The following ADORA2B variants were observed in gnomAD, a reference collection of about 807,000 sequenced individuals.
ADORA2B encodes adenosine A2b receptor.
ADORA2B carries 18 observed loss-of-function variants against 20.8 expected under a neutral mutation model. The observed-to-expected ratio is 0.87, with a 90% CI of 0.60 to 1.29. The LOEUF (loss-of-function observed/expected upper bound fraction) is 1.29. Ranked by LOEUF, ADORA2B falls within the 50% of genes most tolerant of loss-of-function variation. The probability of loss-of-function intolerance (pLI) is 0.00; values close to 1 mark genes in which losing one functional copy is unlikely to be tolerated. For synonymous variants in ADORA2B, 179 were observed against 178.3 expected (o/e 1.00, Z -0.03); for missense variants, 441 against 422.7 (o/e 1.04, Z -0.38).
upstream of ADORA2B, among the ~76,000 whole-genome samples, chr17:15,944,567 G>A (rs1273084644): frequency 6.6e-6 from 1 of 152,122 alleles, no homozygotes; most frequent in Non-Finnish European, 1.5e-5. This position sits in a 1 kb window ranked among gnomAD's most constrained non-coding sequence, Gnocchi z 4.8. Context: ...GGAGGCGGCC[G>A]GAGGGGGCTG....
chr17:15,905,527 A>G, the ADORA2B span, among the ~76,000 whole-genome samples: 1 of 150,110 alleles, frequency 6.7e-6, no homozygotes, highest in African/African-American at 2.4e-5. Flanking sequence ...CTATAGGTGC[A>G]CGCCACCAAA....
In ADORA2B at chr17:15,974,983, C is replaced by T. The variant is rs372345394; in HGVS notation, c.640C>T (p.Gln214Ter). ...CTTCCTGGTGGCCTGCAGGCAGCTT[C>T]AGCGCACTGAGCTGATGGACCACTC... ...KIFLVACRQL[Q>*]RTELMDHSRT... The change falls in exon 2 of 2, where the codon CAG (glutamine) becomes TAG (stop). Residue 214 changes from glutamine (Q) to a stop codon, truncating the protein, a stop_gained. Coordinates refer to ENST00000304222, the MANE Select transcript of ADORA2B (RefSeq NM_000676.4). LOFTEE classifies it high-confidence loss of function. The T allele has an allele frequency of 1.5e-4, 236 of 1,614,088 alleles. No homozygotes were observed. The highest frequency in any genetic ancestry group is 2.0e-4 in the Non-Finnish European group (232 of 1,180,052).
chr17:15,870,563 A>G, the ADORA2B span, among the ~76,000 whole-genome samples: 1 of 142,344 alleles, frequency 7.0e-6, no homozygotes, highest in Non-Finnish European at 1.5e-5. Flanking sequence ...CAGTGAGCCA[A>G]GATCGCGCTA....
intron 1 of ADORA2B, among the ~76,000 whole-genome samples, chr17:15,959,355 A>G (rs1970007794): frequency 6.6e-6 from 1 of 152,146 alleles, no homozygotes; most frequent in African/African-American, 2.4e-5. Context: ...GAAACAGTGT[A>G]TTGTTTCACA....
chr17:15,908,245 G>T, the ADORA2B span, among the ~76,000 whole-genome samples: 8 of 152,106 alleles, frequency 5.3e-5, no homozygotes, highest in Non-Finnish European at 8.8e-5. Context: ...GTGCCACCAT[G>T]CCTGAGTTTT....
chr17:15,866,694 T>TCTGCCGCTGCCG, the ADORA2B span, among the ~76,000 whole-genome samples: 460 of 143,698 alleles, frequency 3.2e-3, no homozygotes, highest in Middle Eastern at 0.011. Flanking sequence ...TCCCTCTGCC[T>TCTGCCGCTGCCG]CTGCCTCTGC....
rs538272283 is a variant in ADORA2B, at chr17:15,967,776, C to A, written c.336-6903C>A. Among the ~76,000 whole-genome samples the A allele has an allele frequency of 5.3e-4, 81 of 152,324 alleles. 1 individual carries two copies. The highest frequency in any genetic ancestry group is 1.8e-3 in the African/African-American group (73 of 41,572). ...CCTTGGGTGCACCATCCTTCAGGAACCTCCATGTGTTTGGCTGTCCTGTAG... is the reference window on the plus strand; with the variant it reads ...CCTTGGGTGCACCATCCTTCAGGAAACTCCATGTGTTTGGCTGTCCTGTAG... On this transcript the variant is annotated intron_variant, in intron 1 of 1. Coordinates refer to ENST00000304222, the MANE Select transcript of ADORA2B (RefSeq NM_000676.4).
intron 1 of ADORA2B, among the ~76,000 whole-genome samples, chr17:15,947,276 C>G (rs1014899223): frequency 2.6e-5 from 4 of 152,182 alleles, no homozygotes; most frequent in African/African-American, 7.2e-5. Context: ...AGTCACAAGC[C>G]CCAGCCTGAG....
the ADORA2B span, among the ~76,000 whole-genome samples, chr17:15,866,051 A>C: frequency 6.6e-6 from 1 of 151,528 alleles, no homozygotes; most frequent in Non-Finnish European, 1.5e-5. Context: ...TTATTTAGTT[A>C]CCCATTCTAT....
the ADORA2B span, among the ~76,000 whole-genome samples, chr17:15,935,577 G>A: frequency 1.3e-5 from 2 of 152,008 alleles, no homozygotes. Context: ...TTTCTTCGAT[G>A]TACATGCTTA....
chr17:15,971,689 G>A (rs1970190003), intron 1 of ADORA2B, among the ~76,000 whole-genome samples: 1 of 149,390 alleles, frequency 6.7e-6, no homozygotes, highest in African/African-American at 2.5e-5. Flanking sequence ...GAGTGCAATG[G>A]TGTAATGATC....
At chr17:15,879,219 G>A in the ADORA2B span, among the ~76,000 whole-genome samples, 1 of 152,172 alleles carries the variant, frequency 6.6e-6, no homozygotes, top group African/African-American at 2.4e-5. Flanking sequence ...AGGAGGCCAA[G>A]GTGGGAGAAT....
In ADORA2B at chr17:15,970,076, C is replaced by G. The variant is rs531661080; in HGVS notation, c.336-4603C>G. 5.1e-4 allele frequency among the ~76,000 whole-genome samples: 77 copies of G among 152,344 alleles called. 2 individuals are homozygous for G. Among genetic ancestry groups the G allele is most frequent in the African/African-American group, 1.8e-3 (74 of 41,586 alleles). ...TCCATGTTTCTCTTCTCAGTGCATC[C>G]AGTTCATTTTGGTATAGCGGAACCC... On this transcript the variant is annotated intron_variant, in intron 1 of 1. Coordinates refer to ENST00000304222, the MANE Select transcript of ADORA2B (RefSeq NM_000676.4).
chr17:15,892,940 G>A, the ADORA2B span, among the ~76,000 whole-genome samples: 5 of 152,268 alleles, frequency 3.3e-5, no homozygotes, highest in South Asian at 2.1e-4. Flanking sequence ...AGCAAATGTC[G>A]TGGGCTGTGC....
intron 1 of ADORA2B, among the ~76,000 whole-genome samples, chr17:15,952,301 G>A (rs1054104428): frequency 6.6e-6 from 1 of 152,110 alleles, no homozygotes; most frequent in African/African-American, 2.4e-5. Context: ...GTGAATGGCA[G>A]CCATTGTTCC....
At chr17:15,897,852 T>G in the ADORA2B span, among the ~76,000 whole-genome samples, 2 of 152,176 alleles carry the variant, frequency 1.3e-5, no homozygotes, top group African/African-American at 4.8e-5. Context: ...TGTAGAAAGT[T>G]CAACACCATG....
intron 1 of ADORA2B, among the ~76,000 whole-genome samples, chr17:15,954,359 A>C (rs762776731): frequency 6.6e-6 from 1 of 152,170 alleles, no homozygotes; most frequent in South Asian, 2.1e-4. Context: ...CAGGTTTACC[A>C]TCTGGAAATT....
At chr17:15,893,407 A>G in the ADORA2B span, among the ~76,000 whole-genome samples, 13,646 of 152,268 alleles carry the variant, frequency 0.09, 834 homozygotes, top group South Asian at 0.23. Flanking sequence ...AATCTTGTAC[A>G]TAAATTCTAA....
chr17:15,891,390 A>G, the ADORA2B span, among the ~76,000 whole-genome samples: 15 of 152,260 alleles, frequency 9.9e-5, no homozygotes, highest in Admixed American at 3.3e-4. Context: ...GAGATTTCAC[A>G]TGAACCCACT....
Sources: gnomAD v4.1 joint callset for allele counts (sites outside exome capture counted in the v4.1 genomes callset) on GRCh38, gnomAD v4.1.1 for gene constraint, Gnocchi (gnomAD v3.1) non-coding constraint, MANE v1.5 for transcripts, NCBI Gene and HGNC (gene_info 2026-07-23, HGNC 2026-07-21) for gene names.